The following PRKCB variants were observed in gnomAD, a reference collection of about 807,000 sequenced individuals.
PRKCB encodes protein kinase C beta type.
In PRKCB, 13 loss-of-function variants were observed where a neutral mutation model predicts 81.5. That is an observed-to-expected ratio of 0.16 (90% CI 0.10 to 0.25). The LOEUF is 0.25. Among genes scored for constraint, PRKCB ranks in the 10% least tolerant of loss-of-function variants. The probability of loss-of-function intolerance (pLI) is 1.00; values close to 1 mark genes in which losing one functional copy is unlikely to be tolerated. For missense variants in PRKCB, 509 were observed against 875.7 expected (o/e 0.58, Z 5.29); for synonymous variants, 335 against 321.4 (o/e 1.04, Z -0.45).
chr16:23,881,441 G>A (rs916401226), intron 2 of PRKCB, among the ~76,000 whole-genome samples: 10 of 151,852 alleles, frequency 6.6e-5, no homozygotes, highest in Non-Finnish European at 1.2e-4. Flanking sequence ...TAGGAGAGAC[G>A]GGGTTTCATC....
chr16:24,094,492 C>T lies in PRKCB; in HGVS notation c.821+195C>T, dbSNP rs7201391. On this transcript the variant is annotated intron_variant, in intron 7 of 16. Transcript: ENST00000643927. ...AAAACAAAAAAGAAAGAGGCCAGGC[C>T]TCGTGTCTGACACCTGTCATCCCAG... Among the ~76,000 whole-genome samples, 1,073 of 152,260 alleles carry T rather than the reference C, an allele frequency of 7.0e-3. 14 individuals carry two copies. The highest frequency in any genetic ancestry group is 0.024 in the African/African-American group (1,013 of 41,548).
At chr16:23,848,050 G>A (rs1008203748) in intron 2 of PRKCB, among the ~76,000 whole-genome samples, 7 of 152,154 alleles carry the variant, frequency 4.6e-5, no homozygotes, top group African/African-American at 1.7e-4. Context: ...TCAGGCACAG[G>A]ACAGGACAAC....
intron 5 of PRKCB, among the ~76,000 whole-genome samples, chr16:24,043,942 G>A (rs985242588): frequency 6.6e-6 from 1 of 152,130 alleles, no homozygotes; most frequent in African/African-American, 2.4e-5. Context: ...TGAAACACCA[G>A]CGTGCAAAGA....
chr16:23,934,316 CTGT>C (rs761265854), intron 2 of PRKCB, among the ~76,000 whole-genome samples: 11 of 74,814 alleles, frequency 1.5e-4, no homozygotes, highest in African/African-American at 8.7e-4. Flanking sequence ...AGGAAAAAAG[CTGT>C]TTTTTTTTTT....
intron 5 of PRKCB, among the ~76,000 whole-genome samples, chr16:24,072,314 C>T (rs1055182271): frequency 2.0e-5 from 3 of 152,184 alleles, no homozygotes; most frequent in Admixed American, 2.0e-4. Context: ...GTCACCCAGG[C>T]TGGAGTGCAG....
In PRKCB at chr16:24,214,868, A is replaced by G; in HGVS notation, c.*52A>G. 6.3e-7 allele frequency: 1 copy of G among 1,593,624 alleles called. No individual in the cohort carries two copies. The highest frequency in any genetic ancestry group is 8.6e-7 in the Non-Finnish European group (1 of 1,168,776). ...TTTCTGTCATTCAAGCTCAACGGCT[A>G]TTGTGGTGACATTTTTATGTTTTTC... On this transcript the variant is annotated 3_prime_UTR_variant, in exon 17 of 17. Coordinates refer to ENST00000643927, the MANE Select transcript of PRKCB (RefSeq NM_002738.7).
At chr16:24,201,610 G>A (rs771226573) in intron 16 of PRKCB, among the ~76,000 whole-genome samples, 35 of 152,166 alleles carry the variant, frequency 2.3e-4, no homozygotes, top group Non-Finnish European at 4.4e-4. Flanking sequence ...CTGATTGACC[G>A]GGCCTGGGTC....
intron 2 of PRKCB, among the ~76,000 whole-genome samples, chr16:23,919,701 T>C (rs745555079): frequency 2.5e-4 from 38 of 152,240 alleles, no homozygotes; most frequent in Admixed American, 2.5e-3. Flanking sequence ...ACCACCATTC[T>C]ACTTTGTCTC....
At chr16:24,100,040 C>T (rs935271996) in intron 7 of PRKCB, 1 of 151,322 alleles carries the variant, frequency 6.6e-6, no homozygotes, top group Non-Finnish European at 1.5e-5. Context: ...GCTTATGGTG[C>T]AACTTCACCT....
intron 3 of PRKCB, 147 bp downstream of exon 3, chr16:23,988,737 C>T (rs1964834272): frequency 1.3e-6 from 1 of 742,902 alleles, no homozygotes; most frequent in East Asian, 3.0e-5. Flanking sequence ...GACAGTTTTC[C>T]TTTTAGTGGA....
chr16:23,838,619 C>T (rs959483234), intron 2 of PRKCB, among the ~76,000 whole-genome samples: 2 of 152,192 alleles, frequency 1.3e-5, no homozygotes, highest in Admixed American at 6.5e-5. Flanking sequence ...AAGAGTCTGA[C>T]GTGATTTAGC....
chr16:23,867,577 GTTGT>G (rs1343116560), intron 2 of PRKCB, among the ~76,000 whole-genome samples: 1 of 152,004 alleles, frequency 6.6e-6, no homozygotes, highest in African/African-American at 2.4e-5. Flanking sequence ...TCCTTTGCTC[GTTGT>G]TTGTGTTTGT....
rs377274777 is a variant in PRKCB at position 24,172,242 on chromosome 16, A to G, written c.1240-28A>G. On this transcript the variant is annotated intron_variant, in intron 10 of 16. Coordinates refer to ENST00000643927, the MANE Select transcript of PRKCB (RefSeq NM_002738.7). ...GGAGCCCCAGAAGCTACGGGATGCTAATGTTGCTGTTTGCTGTCCTCTTCC... is the reference window on the plus strand; with the variant it reads ...GGAGCCCCAGAAGCTACGGGATGCTGATGTTGCTGTTTGCTGTCCTCTTCC... 44 of 1,560,496 alleles carry G rather than the reference A, an allele frequency of 2.8e-5. No homozygotes were observed. The African/African-American group carries it at 5.7e-4, about 20-fold the overall frequency.
intron 2 of PRKCB, among the ~76,000 whole-genome samples, chr16:23,880,008 A>G (rs544848969): frequency 3.9e-5 from 6 of 152,324 alleles, no homozygotes; most frequent in Admixed American, 3.9e-4. Flanking sequence ...TCGAGTGAGT[A>G]TGTTTATAGT....
At chr16:24,096,667 ATATATATATATATATATATATAT>A (rs1966447749) in intron 7 of PRKCB, among the ~76,000 whole-genome samples, 1 of 17,808 alleles carries the variant, frequency 5.6e-5, no homozygotes, top group African/African-American at 1.2e-4. Context: ...AAAAAAAAAA[ATATATATATATATATATATATAT>A]ATATATATAT....
rs9925008 is a variant in PRKCB at position 23,885,798 on chromosome 16, C to A, written c.205+48392C>A. 7.2e-5 allele frequency among the ~76,000 whole-genome samples: 11 copies of A among 152,264 alleles called. No individual in the cohort carries two copies. The South Asian group carries it at 1.7e-3, about 23-fold the overall frequency. The stretch of plus-strand genomic sequence containing the variant: ...TATATTTCAGACACGAGGAAGCTGG[C>A]GGGGAAATATTTTTTGGATGTCTTT... On this transcript the variant is annotated intron_variant, in intron 2 of 16. Transcript: ENST00000643927.
At chr16:24,109,386 C>T (rs1966640041) in intron 7 of PRKCB, among the ~76,000 whole-genome samples, 1 of 123,826 alleles carries the variant, frequency 8.1e-6, no homozygotes, top group South Asian at 2.7e-4. Flanking sequence ...CCTCACTTCT[C>T]AGACGGGGCG....
intron 2 of PRKCB, among the ~76,000 whole-genome samples, chr16:23,902,780 T>TCCTCCCTTCCTC (rs1963501051): frequency 1.1e-4 from 3 of 27,392 alleles, no homozygotes; most frequent in African/African-American, 5.2e-4. Flanking sequence ...CTTCCTTCCT[T>TCCTCCCTTCCTC]CCTCCCTCCC....
intron 3 of PRKCB, among the ~76,000 whole-genome samples, chr16:24,018,691 C>T (rs961202315): frequency 6.6e-6 from 1 of 152,136 alleles, no homozygotes; most frequent in Admixed American, 6.5e-5. Flanking sequence ...GCCAAATGGG[C>T]GGGGTTAGAA....
Sources: gnomAD v4.1 joint callset for allele counts (sites outside exome capture counted in the v4.1 genomes callset) on GRCh38, gnomAD v4.1.1 for gene constraint, MANE v1.5 for transcripts, NCBI Gene and HGNC (gene_info 2026-07-23, HGNC 2026-07-21) for gene names.